ATXN3: variants seen among roughly 807,000 people sequenced by gnomAD.
ATXN3 encodes ataxin-3.
In ATXN3, 28 loss-of-function variants were observed where a neutral mutation model predicts 58.2. The ratio of observed to expected loss-of-function variants is 0.48; its 90% CI spans 0.36 to 0.66. The LOEUF is 0.66. ATXN3 is among the 30% of genes least tolerant of loss of function. The pLI, the probability that ATXN3 is intolerant of heterozygous loss-of-function variation, is 0.00. For synonymous variants in ATXN3, 113 were observed against 138.5 expected, an observed-to-expected ratio of 0.82 and a Z score of 1.29; for missense variants, 321 against 422.1, an observed-to-expected ratio of 0.76 and a Z score of 2.10.
intron 5 of ATXN3, among the ~76,000 whole-genome samples, chr14:92,091,225 C>T (rs919373176): frequency 5.3e-5 from 8 of 151,996 alleles, no homozygotes; most frequent in Admixed American, 1.3e-4. Flanking sequence ...CAGAGACGGA[C>T]GGATCACCTG....
At chr14:92,105,794 A>G (rs1042543533) in intron 1 of ATXN3, among the ~76,000 whole-genome samples, 1 of 152,188 alleles carries the variant, frequency 6.6e-6, no homozygotes, top group African/African-American at 2.4e-5. Flanking sequence ...GACTACAACA[A>G]AATCATCCCA....
intron 9 of ATXN3, among the ~76,000 whole-genome samples, chr14:92,078,357 A>AT (rs145614854): frequency 6.7e-6 from 1 of 150,114 alleles, no homozygotes. Context: ...GTTATTTTTT[A>AT]TTATTTATTT....
chr14:92,104,172 G>A (rs866535320), intron 1 of ATXN3, among the ~76,000 whole-genome samples: 4 of 152,028 alleles, frequency 2.6e-5, no homozygotes, highest in African/African-American at 7.2e-5. Context: ...ACGGAGTCTC[G>A]CTCTGTTGCC....
intron 1 of ATXN3, among the ~76,000 whole-genome samples, chr14:92,105,864 A>G (rs889778398): frequency 1.3e-5 from 2 of 152,216 alleles, no homozygotes; most frequent in East Asian, 1.9e-4. Flanking sequence ...TGGGAGTACC[A>G]AAAGAAACCA....
At chr14:92,074,284 A>G (rs904451642) in intron 9 of ATXN3, among the ~76,000 whole-genome samples, 12 of 151,974 alleles carry the variant, frequency 7.9e-5, no homozygotes, top group African/African-American at 2.7e-4. Flanking sequence ...CCGAGATCAC[A>G]CTACTGCACT....
Position 92,064,261 on chromosome 14 carries a change from C to T in ATXN3, c.*59G>A. ...ACACATTACCAAAGTGGACCCTATGCTGTAATCACACAGGATAATGTTGGA... is the reference window on the plus strand; with the variant it reads ...ACACATTACCAAAGTGGACCCTATGTTGTAATCACACAGGATAATGTTGGA... On this transcript the variant is annotated 3_prime_UTR_variant, in exon 11 of 11. Transcript: ENST00000644486. 1 of 1,252,874 alleles carries T rather than the reference C, an allele frequency of 8.0e-7. No individual in the cohort carries two copies. Among genetic ancestry groups the T allele is most frequent in the Non-Finnish European group, 1.1e-6 (1 of 869,716 alleles). The allele number at this position is 1,252,874 out of a possible 1,614,324, so 77.6% of individuals were successfully genotyped here.
At chr14:92,070,346 G>A (rs978443684) in intron 10 of ATXN3, among the ~76,000 whole-genome samples, 3 of 152,152 alleles carry the variant, frequency 2.0e-5, no homozygotes, top group Non-Finnish European at 2.9e-5. Flanking sequence ...TTGGGAGGCC[G>A]AGGCGGGCGG....
At chr14:92,101,526 A>G (rs553462759) in intron 1 of ATXN3, among the ~76,000 whole-genome samples, 6 of 152,236 alleles carry the variant, frequency 3.9e-5, no homozygotes, top group Admixed American at 3.9e-4. Flanking sequence ...TCAAAGCAGA[A>G]GTTCACTTTG....
chr14:92,077,319 C>T (rs984797273), intron 9 of ATXN3, among the ~76,000 whole-genome samples: 1 of 151,278 alleles, frequency 6.6e-6, no homozygotes, highest in African/African-American at 2.4e-5. Context: ...AAAATACTAA[C>T]ATCAGTCACT....
intron 6 of ATXN3, chr14:92,083,466 C>G (rs1274730392): frequency 4.5e-6 from 3 of 670,046 alleles, no homozygotes; most frequent in Non-Finnish European, 8.1e-6. Flanking sequence ...GCCTCACTTT[C>G]TCCATTGTAA....
At chr14:92,072,316 T>C (rs939966006) in intron 9 of ATXN3, among the ~76,000 whole-genome samples, 1 of 152,174 alleles carries the variant, frequency 6.6e-6, no homozygotes, top group East Asian at 1.9e-4. Context: ...TTGGGGAATC[T>C]GGGTGAAGGA....
chr14:92,095,991 A>G, intron 3 of ATXN3, 102 bp downstream of exon 3: 1 of 965,788 alleles, frequency 1.0e-6, no homozygotes, highest in Middle Eastern at 2.1e-4. Context: ...CTCTGTAGAC[A>G]GAAGAACTTC....
At chr14:92,081,465 C>CAAAAAAAAAAAAA (rs58398762) in intron 8 of ATXN3, among the ~76,000 whole-genome samples, 2 of 82,972 alleles carry the variant, frequency 2.4e-5, no homozygotes, top group Non-Finnish European at 5.0e-5. Context: ...GACTCTGACT[C>CAAAAAAAAAAAAA]AAAAAAAAAA....
At chr14:92,045,257 G>A (rs1025836420) in intron 2 of ATXN3, among the ~76,000 whole-genome samples, 6 of 152,142 alleles carry the variant, frequency 3.9e-5, no homozygotes, top group African/African-American at 9.7e-5. Context: ...GATTGAGGAC[G>A]GTAAGGGGTA....
rs762049636 is a variant in ATXN3 at position 92,093,828 on chromosome 14, T to G, written c.238A>C (p.Ile80Leu). ...DDSGFFSIQV[I>L]SNALKVWGLE... ...CCCCAAACTTTCAAGGCATTGCTTATAACCTGTTAAGAAAAATAGCAACTT... is the reference window on the plus strand; with the variant it reads ...CCCCAAACTTTCAAGGCATTGCTTAGAACCTGTTAAGAAAAATAGCAACTT... Residue 80 changes from isoleucine to leucine, a missense_variant, in exon 4 of 11, where the codon ATA (isoleucine) becomes CTA (leucine). By Grantham distance (5) the Ile-to-Leu change is conservative (BLOSUM62 2). This residue lies in a region of ATXN3 where 121 missense variants were observed against 198.9 expected (regional missense o/e 0.61). Transcript: ENST00000644486. The G allele has an allele frequency of 1.2e-6, 2 of 1,603,730 alleles. No individual in the cohort carries two copies. Among genetic ancestry groups the G allele is most frequent in the African/African-American group, 2.7e-5 (2 of 74,798 alleles).
chr14:92,076,265 G>A (rs1285872598), intron 9 of ATXN3, among the ~76,000 whole-genome samples: 3 of 152,016 alleles, frequency 2.0e-5, no homozygotes, highest in African/African-American at 7.3e-5. Context: ...GGCCAACATG[G>A]TGAAACCCCC....
chr14:92,052,592 T>C (rs1486258774), upstream of ATXN3, among the ~76,000 whole-genome samples: 2 of 152,182 alleles, frequency 1.3e-5, no homozygotes, highest in African/African-American at 2.4e-5. Flanking sequence ...TATATAGTAA[T>C]TGAGCCTCCA....
downstream of ATXN3, among the ~76,000 whole-genome samples, chr14:92,056,216 T>C (rs1257662227): frequency 3.3e-5 from 5 of 152,164 alleles, no homozygotes; most frequent in African/African-American, 1.2e-4. Context: ...TGTAGTGACA[T>C]GTGGCTCAGG....
At chr14:92,066,775 T>TTTTTC (rs1555395321) in intron 10 of ATXN3, among the ~76,000 whole-genome samples, 1 of 46,546 alleles carries the variant, frequency 2.1e-5, no homozygotes, top group African/African-American at 1.9e-4. Flanking sequence ...GCCTGGATAA[T>TTTTTC]TTTTTTTTTT....
Sources: allele counts gnomAD v4.1 joint callset (sites outside exome capture counted in the v4.1 genomes callset), GRCh38; gene constraint gnomAD v4.1.1; regional missense constraint gnomAD v4.1.1; transcripts MANE v1.5; gene names NCBI Gene and HGNC (gene_info 2026-07-23, HGNC 2026-07-21).